Variants in CCDC85A observed in about 807,000 individuals in gnomAD.
CCDC85A encodes coiled-coil domain-containing protein 85A.
Under a neutral mutation model 50.2 loss-of-function variants are expected in CCDC85A, and 38 were observed. The ratio of observed to expected loss-of-function variants is 0.76; its 90% CI spans 0.58 to 0.99. CCDC85A has a LOEUF of 0.99. Ranked by LOEUF, CCDC85A falls within the 50% of genes least tolerant of loss-of-function variation. The probability of loss-of-function intolerance (pLI) is 0.00; values close to 1 mark genes in which losing one functional copy is unlikely to be tolerated. For synonymous variants in CCDC85A, 366 were observed against 301.4 expected (o/e 1.21, Z -2.22); for missense variants, 820 against 742.0 (o/e 1.11, Z -1.22).
intron 2 of CCDC85A, among the ~76,000 whole-genome samples, chr2:56,205,853 G>C (rs1676937589): frequency 6.6e-6 from 1 of 152,122 alleles, no homozygotes; most frequent in African/African-American, 2.4e-5. Context: ...TAACAATAAA[G>C]ATGTATGGTT....
Position 56,384,362 on chromosome 2 carries a change from C to T in CCDC85A, c.*7C>T, listed in dbSNP as rs777117519. On this transcript the variant is annotated 3_prime_UTR_variant, in exon 6 of 6. Coordinates refer to ENST00000407595, the MANE Select transcript of CCDC85A (RefSeq NM_001080433.2). The stretch of plus-strand genomic sequence containing the variant: ...GTACAAAGGACCAATGTGAGATGCA[C>T]TCTTTTTCAAACAGGAGATCACCAC... 6.2e-7 allele frequency: 1 copy of T among 1,607,710 alleles called. No individual in the cohort carries two copies. The highest frequency in any genetic ancestry group is 8.5e-7 in the Non-Finnish European group (1 of 1,175,356).
At chr2:56,210,156 G>T (rs1337429077) in intron 2 of CCDC85A, among the ~76,000 whole-genome samples, 1 of 152,110 alleles carries the variant, frequency 6.6e-6, no homozygotes, top group East Asian at 1.9e-4. Flanking sequence ...GTAGCTGTCT[G>T]TGAAGGCACA....
intron 2 of CCDC85A, among the ~76,000 whole-genome samples, chr2:56,310,281 GCTGTACC>G (rs1200509012): frequency 1.3e-5 from 2 of 152,142 alleles, no homozygotes; most frequent in African/African-American, 4.8e-5. Flanking sequence ...AGGTAGGAGA[GCTGTACC>G]CTAATACAGG....
At chr2:56,250,015 C>T (rs1411127257) in intron 2 of CCDC85A, among the ~76,000 whole-genome samples, 1 of 152,162 alleles carries the variant, frequency 6.6e-6, no homozygotes, top group Non-Finnish European at 1.5e-5. Flanking sequence ...TTCAGTTGTG[C>T]CAGCAGCCAT....
intron 1 of CCDC85A, among the ~76,000 whole-genome samples, chr2:56,188,451 G>T (rs1217459175): frequency 6.6e-6 from 1 of 152,190 alleles, no homozygotes; most frequent in African/African-American, 2.4e-5. Context: ...GCCGAGGGTA[G>T]CACCAGTCCT....
chr2:56,198,240 T>C (rs890873220), intron 2 of CCDC85A, among the ~76,000 whole-genome samples: 3 of 152,246 alleles, frequency 2.0e-5, no homozygotes, highest in African/African-American at 7.2e-5. Context: ...CTCTCATAAA[T>C]CTTTCATTTT....
intron 2 of CCDC85A, among the ~76,000 whole-genome samples, chr2:56,323,766 A>G (rs1673332904): frequency 1.3e-5 from 2 of 152,074 alleles, no homozygotes; most frequent in Admixed American, 1.3e-4. Flanking sequence ...CTTCCAAGCA[A>G]TTCATTTTTC....
intron 3 of CCDC85A, among the ~76,000 whole-genome samples, chr2:56,354,218 A>C (rs1407417267): frequency 2.6e-5 from 4 of 152,222 alleles, no homozygotes; most frequent in Admixed American, 2.0e-4. Context: ...TATACCCAAC[A>C]ATAGGTATTC....
chr2:56,304,647 C>T (rs1028230123), intron 2 of CCDC85A, among the ~76,000 whole-genome samples: 2 of 152,166 alleles, frequency 1.3e-5, no homozygotes, highest in Non-Finnish European at 2.9e-5. Flanking sequence ...ACCTACTGCT[C>T]ACTCTCTAAA....
chr2:56,323,544 C>A (rs1275257308), intron 2 of CCDC85A, among the ~76,000 whole-genome samples: 1 of 151,954 alleles, frequency 6.6e-6, no homozygotes, highest in Non-Finnish European at 1.5e-5. Context: ...AAATGCCCCC[C>A]TTGTTGATGC....
intron 3 of CCDC85A, among the ~76,000 whole-genome samples, chr2:56,350,427 A>G (rs537017593): frequency 2.0e-5 from 3 of 152,224 alleles, no homozygotes; most frequent in South Asian, 2.1e-4. Flanking sequence ...AAAAATTAGC[A>G]GGGTATGGTG....
At chr2:56,317,920 G>A (rs1233466640) in intron 2 of CCDC85A, among the ~76,000 whole-genome samples, 2 of 152,040 alleles carry the variant, frequency 1.3e-5, no homozygotes, top group African/African-American at 4.8e-5. Context: ...TTACCACAGA[G>A]TATCCAAAAT....
intron 2 of CCDC85A, among the ~76,000 whole-genome samples, chr2:56,221,388 C>T (rs1464457518): frequency 2.0e-5 from 3 of 151,448 alleles, no homozygotes; most frequent in African/African-American, 7.3e-5. Context: ...TTCTGTAAAA[C>T]ATACTGACTG....
At chr2:56,277,058 G>T (rs754643636) in intron 2 of CCDC85A, among the ~76,000 whole-genome samples, 2 of 152,184 alleles carry the variant, frequency 1.3e-5, no homozygotes, top group African/African-American at 2.4e-5. Context: ...ACTCTCTGAG[G>T]CCGCAGAGTC....
chr2:56,345,288 T>C (rs1317271130), intron 3 of CCDC85A, among the ~76,000 whole-genome samples: 4 of 152,322 alleles, frequency 2.6e-5, no homozygotes, highest in South Asian at 2.1e-4. Context: ...CATCATGATA[T>C]GTAGCATTAC....
intron 2 of CCDC85A, among the ~76,000 whole-genome samples, chr2:56,225,580 A>G (rs1056757784): frequency 6.6e-6 from 1 of 152,092 alleles, no homozygotes; most frequent in East Asian, 1.9e-4. Flanking sequence ...GAGTCTTTTA[A>G]CTGTTTACCC....
At chr2:56,277,588 C>T (rs1031866347) in intron 2 of CCDC85A, among the ~76,000 whole-genome samples, 1 of 152,200 alleles carries the variant, frequency 6.6e-6, no homozygotes, top group Admixed American at 6.5e-5. Context: ...TTGCTTCAGA[C>T]ATTACATTTC....
chr2:56,309,533 A>G (rs1243270914), intron 2 of CCDC85A, among the ~76,000 whole-genome samples: 1 of 152,218 alleles, frequency 6.6e-6, no homozygotes, highest in Admixed American at 6.5e-5. Flanking sequence ...GATTGTGTAT[A>G]GTGTTTGGTG....
chr2:56,268,121 A>G (rs1558614723), intron 2 of CCDC85A, among the ~76,000 whole-genome samples: 2 of 152,218 alleles, frequency 1.3e-5, no homozygotes, highest in East Asian at 1.9e-4. Context: ...GAAGATTTAC[A>G]TGAGGTGTTC....
Sources: allele counts gnomAD v4.1 joint callset (sites outside exome capture counted in the v4.1 genomes callset), GRCh38; gene constraint gnomAD v4.1.1; transcripts MANE v1.5; gene names NCBI Gene and HGNC (gene_info 2026-07-23, HGNC 2026-07-21).